ZFHX3: variants seen among roughly 807,000 people sequenced by gnomAD.
The protein encoded by ZFHX3 is zinc finger homeobox protein 3.
In ZFHX3, 42 loss-of-function variants were observed where a neutral mutation model predicts 279.1. That is an observed-to-expected ratio of 0.15 (90% CI 0.12 to 0.19). The LOEUF is 0.19. Among genes scored for constraint, ZFHX3 ranks in the 10% least tolerant of loss-of-function variants. The probability of loss-of-function intolerance (pLI) is 1.00; values close to 1 mark genes in which losing one functional copy is unlikely to be tolerated. For missense variants in ZFHX3, 4,981 were observed against 4,754.0 expected (o/e 1.05, Z -1.40); for synonymous variants, 2,293 against 1,957.8 (o/e 1.17, Z -4.52).
intron 3 of ZFHX3, among the ~76,000 whole-genome samples, chr16:72,896,101 C>A (rs2038892917): frequency 6.6e-6 from 1 of 152,168 alleles, no homozygotes; most frequent in Non-Finnish European, 1.5e-5. Flanking sequence ...ATCTCCAAGT[C>A]CTCCAAATGC....
chr16:73,868,056 T>G (rs76394753), intron 1 of ZFHX3, among the ~76,000 whole-genome samples: 1 of 152,210 alleles, frequency 6.6e-6, no homozygotes, highest in Non-Finnish European at 1.5e-5. Context: ...CTAAACCTGG[T>G]CTTCTTGTCT....
chr16:73,218,571 C>T (rs571752170), intron 5 of ZFHX3, among the ~76,000 whole-genome samples: 1 of 152,114 alleles, frequency 6.6e-6, no homozygotes, highest in Non-Finnish European at 1.5e-5. Flanking sequence ...GAGTTCGAGA[C>T]CAGCCTGGCC....
chr16:73,175,029 AAACC>A (rs746414325), intron 5 of ZFHX3, among the ~76,000 whole-genome samples: 5 of 151,376 alleles, frequency 3.3e-5, no homozygotes, highest in South Asian at 2.1e-4. Flanking sequence ...CCCCCTCTCA[AAACC>A]AACCAACCAA....
At chr16:73,471,846 T>C (rs1466063843) in intron 2 of ZFHX3, among the ~76,000 whole-genome samples, 2 of 152,170 alleles carry the variant, frequency 1.3e-5, no homozygotes, top group Non-Finnish European at 2.9e-5. Context: ...AGGGTTAGTC[T>C]TAGCCTGGAA....
At chr16:73,172,294 A>G (rs958004535) in intron 5 of ZFHX3, among the ~76,000 whole-genome samples, 6 of 152,190 alleles carry the variant, frequency 3.9e-5, no homozygotes, top group Admixed American at 6.5e-5. Flanking sequence ...GAAACTGACC[A>G]GCTCCGACGC....
chr16:73,545,347 T>G (rs998843840), intron 2 of ZFHX3, among the ~76,000 whole-genome samples: 2 of 152,200 alleles, frequency 1.3e-5, no homozygotes, highest in South Asian at 4.1e-4. Flanking sequence ...GGTTTGGTTT[T>G]AGAGGGAGGG....
intron 1 of ZFHX3, among the ~76,000 whole-genome samples, chr16:73,881,783 A>T (rs1305789605): frequency 6.6e-6 from 1 of 151,934 alleles, no homozygotes; most frequent in Non-Finnish European, 1.5e-5. Context: ...GCTGGCTATT[A>T]TCTGTTAAGA....
intron 1 of ZFHX3, among the ~76,000 whole-genome samples, chr16:73,862,282 T>TC (rs1173458676): frequency 2.9e-4 from 44 of 152,194 alleles, no homozygotes; most frequent in Admixed American, 2.9e-3. Context: ...AGCTACCATA[T>TC]CCTTTAATAA....
chr16:73,676,875 T>G (rs2052960095), intron 2 of ZFHX3, among the ~76,000 whole-genome samples: 1 of 151,912 alleles, frequency 6.6e-6, no homozygotes, highest in Non-Finnish European at 1.5e-5. Context: ...AAGACAGACT[T>G]TATATTAAGG....
At chr16:72,948,898 CT>C (rs1350957877) in intron 3 of ZFHX3, among the ~76,000 whole-genome samples, 1 of 152,124 alleles carries the variant, frequency 6.6e-6, no homozygotes, top group Non-Finnish European at 1.5e-5. Flanking sequence ...CTGCAAAGGG[CT>C]TTTTTCTTTT....
At chr16:73,449,997 T>C (rs963280865) in intron 3 of ZFHX3, among the ~76,000 whole-genome samples, 2 of 152,236 alleles carry the variant, frequency 1.3e-5, no homozygotes, top group Non-Finnish European at 2.9e-5. Flanking sequence ...CTGATATTTG[T>C]CATGCATAAC....
chr16:73,129,379 GACACACACACACACAC>G lies in ZFHX3; in HGVS notation c.-897+1573_-897+1588del, dbSNP rs59666622. The stretch of plus-strand genomic sequence containing the variant: ...CTCCAGCCTGGGTGGCAGAGACTCT[GACACACACACACACAC>G]ACACACACACACACACACAGAATTG... On this transcript the variant is annotated intron_variant, in intron 7 of 17. Transcript: ENST00000641206. Among the ~76,000 whole-genome samples the G allele has an allele frequency of 5.1e-4, 70 of 137,928 alleles. No individual in the cohort carries two copies. The East Asian group carries it at 7.2e-3, about 14-fold the overall frequency. 90.5% of individuals were successfully genotyped at this position (137,928 alleles called of 152,430 possible). A position where few individuals can be genotyped will look rare whatever the true frequency, so the allele number is the denominator to read the frequency against.
intron 5 of ZFHX3, among the ~76,000 whole-genome samples, chr16:73,195,514 G>A (rs374069060): frequency 4.0e-5 from 6 of 149,324 alleles, no homozygotes; most frequent in African/African-American, 1.5e-4. Flanking sequence ...CGCCACCTGG[G>A]TTCAAGTGAT....
chr16:73,712,636 C>T (rs1343099066), intron 1 of ZFHX3, among the ~76,000 whole-genome samples: 2 of 152,152 alleles, frequency 1.3e-5, no homozygotes, highest in Non-Finnish European at 2.9e-5. Flanking sequence ...AAGCAGCTGG[C>T]CTTCCTGAAG....
At chr16:73,247,688 A>C (rs1407745751) in intron 5 of ZFHX3, among the ~76,000 whole-genome samples, 1 of 142,716 alleles carries the variant, frequency 7.0e-6, no homozygotes, top group Admixed American at 7.0e-5. Context: ...TATGCGGAGT[A>C]TACGTGTGTG....
chr16:73,176,099 T>C (rs1967657766), intron 5 of ZFHX3, among the ~76,000 whole-genome samples: 2 of 152,236 alleles, frequency 1.3e-5, no homozygotes, highest in South Asian at 4.1e-4. Flanking sequence ...TTATTGACTC[T>C]CTGGTCTCTT....
At chr16:73,386,415 A>T (rs1159284404) in intron 3 of ZFHX3, among the ~76,000 whole-genome samples, 2 of 152,118 alleles carry the variant, frequency 1.3e-5, no homozygotes, top group East Asian at 3.8e-4. Context: ...CCGTTTGCTT[A>T]TTTTTTTAAA....
intron 3 of ZFHX3, among the ~76,000 whole-genome samples, chr16:72,919,879 T>C (rs1415835665): frequency 1.5e-5 from 2 of 131,144 alleles, no homozygotes; most frequent in African/African-American, 2.8e-5. Context: ...CTGCAACCTC[T>C]ACCTCCCAGG....
At chr16:72,978,056 G>A (rs1463133259) in intron 1 of ZFHX3, among the ~76,000 whole-genome samples, 1 of 152,056 alleles carries the variant, frequency 6.6e-6, no homozygotes, top group African/African-American at 2.4e-5. Flanking sequence ...GTAGAAACGG[G>A]GTTTCACCAT....
Sources: gnomAD v4.1 joint callset for allele counts (sites outside exome capture counted in the v4.1 genomes callset) on GRCh38, gnomAD v4.1.1 for gene constraint, MANE v1.5 for transcripts, NCBI Gene and HGNC (gene_info 2026-07-23, HGNC 2026-07-21) for gene names.